The following KLF12 variants were observed in gnomAD, a reference collection of about 807,000 sequenced individuals.
KLF12 encodes KLF transcription factor 12.
Under a neutral mutation model 37.8 loss-of-function variants are expected in KLF12, and 9 were observed. The observed-to-expected ratio is 0.24, with a 90% confidence interval of 0.14 to 0.42. KLF12 has a LOEUF of 0.42. KLF12 is among the 10% of genes least tolerant of loss of function. The pLI is 1.00. For synonymous variants in KLF12, 208 were observed against 202.1 expected (o/e 1.03, Z -0.25); for missense variants, 411 against 516.0 (o/e 0.80, Z 1.97).
At chr13:73,848,043 A>T (rs1322929861) in intron 3 of KLF12, among the ~76,000 whole-genome samples, 1 of 152,208 alleles carries the variant, frequency 6.6e-6, no homozygotes, top group African/African-American at 2.4e-5. Context: ...AAAAGATAAA[A>T]CATATCAGTA....
chr13:74,161,517 C>T, the KLF12 span, among the ~76,000 whole-genome samples: 19 of 152,160 alleles, frequency 1.2e-4, no homozygotes, highest in African/African-American at 3.6e-4. Flanking sequence ...CAGAAGCCAC[C>T]GGAAACTGGA....
chr13:74,164,383 T>C, the KLF12 span, among the ~76,000 whole-genome samples: 1,027 of 152,336 alleles, frequency 6.7e-3, 12 homozygotes, highest in African/African-American at 0.023. Flanking sequence ...TGCAAATTAG[T>C]CATATTTTAA....
At chr13:74,277,211 C>T in the KLF12 span, among the ~76,000 whole-genome samples, 4 of 152,166 alleles carry the variant, frequency 2.6e-5, no homozygotes, top group Non-Finnish European at 5.9e-5. Context: ...CTATTGCTTT[C>T]GTTTCTGGAG....
At chr13:74,281,080 G>A in the KLF12 span, among the ~76,000 whole-genome samples, 3 of 151,636 alleles carry the variant, frequency 2.0e-5, no homozygotes, top group South Asian at 2.1e-4. Flanking sequence ...ATACTTTGTT[G>A]TATTTTATTT....
intron 1 of KLF12, among the ~76,000 whole-genome samples, chr13:74,009,497 T>C (rs1277571519): frequency 2.0e-5 from 3 of 152,168 alleles, no homozygotes; most frequent in Non-Finnish European, 4.4e-5. Flanking sequence ...TCATGCCATT[T>C]TGCCTCTCCC....
chr13:73,887,951 C>A (rs979284270), intron 3 of KLF12, among the ~76,000 whole-genome samples: 1 of 151,712 alleles, frequency 6.6e-6, no homozygotes. Context: ...TTTATTTATA[C>A]AAAAGAAACA....
the KLF12 span, among the ~76,000 whole-genome samples, chr13:74,154,233 C>CAA: frequency 2.6e-3 from 384 of 148,600 alleles, 4 homozygotes; most frequent in South Asian, 7.5e-3. Context: ...GACTCCATCT[C>CAA]AAAAAAAAAA....
intron 3 of KLF12, among the ~76,000 whole-genome samples, chr13:73,911,055 T>C (rs1888545453): frequency 6.6e-6 from 1 of 152,116 alleles, no homozygotes; most frequent in Non-Finnish European, 1.5e-5. Flanking sequence ...AATAAATTCC[T>C]TTTCTTTATA....
At chr13:74,290,064 A>G in the KLF12 span, among the ~76,000 whole-genome samples, 1 of 152,152 alleles carries the variant, frequency 6.6e-6, no homozygotes, top group East Asian at 1.9e-4. Flanking sequence ...CATACTCCTG[A>G]GTATTTGTAC....
intron 6 of KLF12, among the ~76,000 whole-genome samples, chr13:73,740,780 G>A (rs111728586): frequency 0.019 from 2,822 of 152,284 alleles, 70 homozygotes; most frequent in African/African-American, 0.061. Flanking sequence ...GTCCTGCGGG[G>A]AAAGCATTTT....
At chr13:74,195,889 A>AT in the KLF12 span, among the ~76,000 whole-genome samples, 5 of 152,034 alleles carry the variant, frequency 3.3e-5, no homozygotes, top group South Asian at 2.1e-4. Flanking sequence ...TGGCAGTTGA[A>AT]TTTTTTTTAT....
intron 1 of KLF12, among the ~76,000 whole-genome samples, chr13:74,084,980 T>C (rs907922597): frequency 6.6e-6 from 1 of 152,214 alleles, no homozygotes; most frequent in African/African-American, 2.4e-5. Flanking sequence ...ATGCTAGTTA[T>C]ATTACATAAA....
the KLF12 span, among the ~76,000 whole-genome samples, chr13:74,264,888 A>AT: frequency 1.3e-4 from 20 of 151,328 alleles, no homozygotes; most frequent in African/African-American, 4.4e-4. Flanking sequence ...AGGTTAGTCT[A>AT]TTTTTTTTTC....
the KLF12 span, among the ~76,000 whole-genome samples, chr13:74,177,927 TA>T: frequency 6.6e-6 from 1 of 152,238 alleles, no homozygotes; most frequent in African/African-American, 2.4e-5. Context: ...ATTACAGTAA[TA>T]AATGCAATAC....
chr13:73,915,601 C>G (rs1888783809), intron 3 of KLF12, among the ~76,000 whole-genome samples: 1 of 151,974 alleles, frequency 6.6e-6, no homozygotes, highest in African/African-American at 2.4e-5. Flanking sequence ...CAAGCTCCAC[C>G]TCCCAGGTTC....
chr13:73,945,639 A>C (rs1297935139), intron 2 of KLF12, among the ~76,000 whole-genome samples: 1 of 111,732 alleles, frequency 8.9e-6, no homozygotes, highest in Non-Finnish European at 1.9e-5. Context: ...AGAGCCTCCA[A>C]GGAATCAACA....
chr13:73,873,144 T>C (rs975569009), intron 3 of KLF12, among the ~76,000 whole-genome samples: 3 of 152,080 alleles, frequency 2.0e-5, no homozygotes, highest in Non-Finnish European at 4.4e-5. Context: ...TATATATATA[T>C]ATAAACAACA....
At chr13:74,213,819 T>G in the KLF12 span, among the ~76,000 whole-genome samples, 1 of 152,202 alleles carries the variant, frequency 6.6e-6, no homozygotes, top group Non-Finnish European at 1.5e-5. Context: ...ACAAGCTCTC[T>G]TGGCTATTTC....
At chr13:74,033,236 T>G (rs1233605489) in intron 1 of KLF12, among the ~76,000 whole-genome samples, 1 of 152,194 alleles carries the variant, frequency 6.6e-6, no homozygotes, top group South Asian at 2.1e-4. Context: ...AATAAGAAAG[T>G]TGAGATCCCT....
Sources: gnomAD v4.1 joint callset for allele counts (sites outside exome capture counted in the v4.1 genomes callset) on GRCh38, gnomAD v4.1.1 for gene constraint, MANE v1.5 for transcripts, NCBI Gene and HGNC (gene_info 2026-07-23, HGNC 2026-07-21) for gene names.